COL23A1: variants seen among roughly 807,000 people sequenced by gnomAD.
COL23A1 encodes collagen type XXIII alpha 1 chain, also known as collagen alpha-1(XXIII) chain.
Under a neutral mutation model 99.3 loss-of-function variants are expected in COL23A1, and 97 were observed. The ratio of observed to expected loss-of-function variants is 0.98; its 90% CI spans 0.83 to 1.16. COL23A1 has a LOEUF of 1.16. Among genes scored for constraint, COL23A1 ranks in the 50% most tolerant of loss-of-function variants. The pLI is 0.00. For missense variants in COL23A1, 762 were observed against 757.4 expected, an observed-to-expected ratio of 1.01 and a Z score of -0.07; for synonymous variants, 320 against 308.2, an observed-to-expected ratio of 1.04 and a Z score of -0.40.
In COL23A1 at chr5:178,250,079, T is replaced by C. The variant is rs1561789573; in HGVS notation, c.1041A>G (p.Pro347=). ...AKGELGLPGA[P]GIDGEKGPKG... is the part of the protein sequence containing the mutation. ...CAGAGACCTTCTCTCCATCGATTCCTGGGGCACCGGGCAATCCAAGCTCGC... is the reference window on the plus strand; with the variant it reads ...CAGAGACCTTCTCTCCATCGATTCCCGGGGCACCGGGCAATCCAAGCTCGC... The change falls in exon 18 of 29, where the codon CCA becomes CCG. Residue 347 remains proline, a synonymous_variant. Transcript: ENST00000390654. 1 of 1,614,126 alleles carries C rather than the reference T, an allele frequency of 6.2e-7. No individual in the cohort carries two copies. The highest frequency in any genetic ancestry group is 8.5e-7 in the Non-Finnish European group (1 of 1,180,002).
chr5:178,405,158 G>T (rs1764692872), intron 2 of COL23A1, among the ~76,000 whole-genome samples: 1 of 152,226 alleles, frequency 6.6e-6, no homozygotes, highest in Non-Finnish European at 1.5e-5. Flanking sequence ...GGGCTTGCAT[G>T]CCCGCAGCGT....
At chr5:178,557,884 G>A (rs1225842112) in intron 2 of COL23A1, among the ~76,000 whole-genome samples, 1 of 152,022 alleles carries the variant, frequency 6.6e-6, no homozygotes, top group Non-Finnish European at 1.5e-5. Context: ...AGGGGCTCTC[G>A]AGGTGACAGG....
At chr5:178,374,264 C>T (rs1762954137) in intron 2 of COL23A1, among the ~76,000 whole-genome samples, 1 of 152,154 alleles carries the variant, frequency 6.6e-6, no homozygotes, top group Admixed American at 6.5e-5. Flanking sequence ...CTTCCCTCTG[C>T]AACCCTTCTA....
chr5:178,520,630 A>G (rs1562049015), intron 2 of COL23A1, among the ~76,000 whole-genome samples: 1 of 152,172 alleles, frequency 6.6e-6, no homozygotes, highest in Non-Finnish European at 1.5e-5. Flanking sequence ...CAGGGTTCCA[A>G]TTTCAGCCCA....
chr5:178,324,479 A>G (rs1436979364), intron 2 of COL23A1, among the ~76,000 whole-genome samples: 1 of 152,030 alleles, frequency 6.6e-6, no homozygotes, highest in African/African-American at 2.4e-5. Flanking sequence ...TTTCTACTAC[A>G]ATGACCACGA....
intron 2 of COL23A1, among the ~76,000 whole-genome samples, chr5:178,322,780 C>T (rs1364758793): frequency 6.6e-6 from 1 of 152,218 alleles, no homozygotes; most frequent in Non-Finnish European, 1.5e-5. Context: ...CACTAGGGAC[C>T]GGGAGTTGGG....
In COL23A1 at chr5:178,278,498, C is replaced by T. The variant is rs145461451; in HGVS notation, c.442-8135G>A. ...GAACTGCACCCCGATGGGGCGGGTG[C>T]CCCGATTCACCCCAGGCCCTGCCGT... is the stretch of plus-strand genomic sequence containing the variant. On this transcript the variant is annotated intron_variant, in intron 5 of 28. Transcript: ENST00000390654. 2.4e-3 allele frequency among the ~76,000 whole-genome samples: 369 copies of T among 152,350 alleles called. 2 individuals carry two copies. The highest frequency in any genetic ancestry group is 8.4e-3 in the African/African-American group (351 of 41,576).
At position 178,309,591 on chromosome 5, in the gene COL23A1, T is replaced by C. The variant is rs1473330614; in HGVS notation, c.362-2672A>G. Among the ~76,000 whole-genome samples the C allele has an allele frequency of 2.0e-5, 3 of 152,010 alleles. No individual in the cohort carries two copies. The highest frequency in any genetic ancestry group is 7.3e-5 in the African/African-American group (3 of 41,364). ...TCTGTACCTAAATGTCCAACTCCAC[T>C]GGGAGGCACCACTTCCAAACTCAAG... On this transcript the variant is annotated intron_variant, in intron 2 of 28. Transcript: ENST00000390654. This position sits in a 1 kb window ranked among gnomAD's most constrained non-coding sequence, Gnocchi z 4.7.
chr5:178,542,703 G>A (rs1761359282), intron 2 of COL23A1, among the ~76,000 whole-genome samples: 3 of 151,986 alleles, frequency 2.0e-5, no homozygotes, highest in Admixed American at 1.3e-4. Flanking sequence ...GAGGAAGGGG[G>A]AGGGGAGGGC....
chr5:178,377,108 T>C (rs543701634), intron 2 of COL23A1, among the ~76,000 whole-genome samples: 4 of 152,302 alleles, frequency 2.6e-5, no homozygotes, highest in South Asian at 2.1e-4. Context: ...CGGTTGCAGA[T>C]TGATGGGACT....
In COL23A1 at chr5:178,319,186, C is replaced by T. The variant is rs142141700; in HGVS notation, c.362-12267G>A. Among the ~76,000 whole-genome samples, 61 of 152,192 alleles carry T rather than the reference C, an allele frequency of 4.0e-4. 1 individual carries two copies. The highest frequency in any genetic ancestry group is 1.4e-3 in the African/African-American group (58 of 41,506). ...TTGGTCAGACCCAGATCTGTGCTAG[C>T]GCAAGTAAGCTTTGCCCCAGAGCCT... is the stretch of plus-strand genomic sequence containing the variant. On this transcript the variant is annotated intron_variant, in intron 2 of 28. Transcript: ENST00000390654.
At chr5:178,472,805 A>G (rs1037604303) in intron 2 of COL23A1, among the ~76,000 whole-genome samples, 1 of 152,204 alleles carries the variant, frequency 6.6e-6, no homozygotes, top group African/African-American at 2.4e-5. Context: ...CACGGTCTCA[A>G]CCAACCGCAG....
chr5:178,540,255 A>G (rs1161511327), intron 2 of COL23A1, among the ~76,000 whole-genome samples: 1 of 152,256 alleles, frequency 6.6e-6, no homozygotes, highest in Non-Finnish European at 1.5e-5. Flanking sequence ...ATGGTATGGT[A>G]GAAGATACAT....
rs141919375 is a variant in COL23A1, at chr5:178,367,290, C to T, written c.362-60371G>A. The stretch of plus-strand genomic sequence containing the variant: ...TATCATTAAGCTGACGGGAGCTCCA[C>T]GTCTGAGAGGGGCGTTTGGCCTTGG... On this transcript the variant is annotated intron_variant, in intron 2 of 28. Coordinates refer to ENST00000390654, the MANE Select transcript of COL23A1 (RefSeq NM_173465.4). Among the ~76,000 whole-genome samples the T allele has an allele frequency of 1.6e-3, 239 of 152,256 alleles. 4 individuals carry two copies. The South Asian group carries it at 0.032, about 20-fold the overall frequency.
intron 2 of COL23A1, among the ~76,000 whole-genome samples, chr5:178,492,950 C>T (rs7718220): frequency 0.65 from 99,257 of 152,014 alleles, 33,613 homozygotes; most frequent in Non-Finnish European, 0.75. Flanking sequence ...ATGGAAAGGA[C>T]TAAATGACTT....
intron 2 of COL23A1, among the ~76,000 whole-genome samples, chr5:178,380,624 A>G (rs1763328092): frequency 6.6e-6 from 1 of 152,244 alleles, no homozygotes; most frequent in South Asian, 2.1e-4. Context: ...TTTTAAAACC[A>G]GAATGAGTGA....
At chr5:178,472,980 G>A (rs1174311562) in intron 2 of COL23A1, among the ~76,000 whole-genome samples, 1 of 151,964 alleles carries the variant, frequency 6.6e-6, no homozygotes, top group African/African-American at 2.4e-5. Context: ...AAAAATTAGC[G>A]GATGTGGTCA....
intron 2 of COL23A1, among the ~76,000 whole-genome samples, chr5:178,502,848 T>C (rs1460334091): frequency 2.6e-5 from 4 of 151,984 alleles, no homozygotes; most frequent in Non-Finnish European, 5.9e-5. Flanking sequence ...AAACTGGAAA[T>C]ACCCGAAGTC....
chr5:178,523,177 TACAC>T (rs1554189047), intron 2 of COL23A1, among the ~76,000 whole-genome samples: 190 of 77,736 alleles, frequency 2.4e-3, no homozygotes, highest in African/African-American at 4.1e-3. Context: ...TATATATATA[TACAC>T]ATATATATAT....
Sources: allele counts gnomAD v4.1 joint callset (sites outside exome capture counted in the v4.1 genomes callset), GRCh38; gene constraint gnomAD v4.1.1; non-coding constraint Gnocchi (gnomAD v3.1); transcripts MANE v1.5; gene names NCBI Gene and HGNC (gene_info 2026-07-23, HGNC 2026-07-21).